The following CADPS variants were observed in gnomAD, a reference collection of about 807,000 sequenced individuals.
The protein encoded by CADPS is calcium dependent secretion activator, also known as calcium-dependent secretion activator 1.
In CADPS, 57 loss-of-function variants were observed where a neutral mutation model predicts 167.3. The observed-to-expected ratio is 0.34, with a 90% CI of 0.28 to 0.42. The LOEUF is 0.42. CADPS is among the 20% of genes least tolerant of loss of function. The pLI, the probability that CADPS is intolerant of heterozygous loss-of-function variation, is 1.00. For synonymous variants in CADPS, 676 were observed against 635.3 expected, an observed-to-expected ratio of 1.06 and a Z score of -0.96; for missense variants, 1,414 against 1,738.1, an observed-to-expected ratio of 0.81 and a Z score of 3.32.
intron 28 of CADPS, among the ~76,000 whole-genome samples, chr3:62,425,087 A>G (rs1318517110): frequency 6.6e-6 from 1 of 152,166 alleles, no homozygotes; most frequent in Non-Finnish European, 1.5e-5. Flanking sequence ...AAATAATACT[A>G]TCTCTTCCCA....
intron 6 of CADPS, among the ~76,000 whole-genome samples, chr3:62,619,815 T>C (rs2062881176): frequency 6.6e-6 from 1 of 152,188 alleles, no homozygotes; most frequent in Non-Finnish European, 1.5e-5. Context: ...GACATTCTGA[T>C]ATTATTCAAT....
intron 3 of CADPS, among the ~76,000 whole-genome samples, chr3:62,727,926 G>C (rs779174401): frequency 1.3e-5 from 2 of 151,856 alleles, no homozygotes; most frequent in African/African-American, 2.4e-5. Context: ...TAGGTTTTAA[G>C]AAATGACACA....
chr3:62,628,351 A>C (rs11925723), intron 6 of CADPS, among the ~76,000 whole-genome samples: 3 of 152,200 alleles, frequency 2.0e-5, no homozygotes, highest in African/African-American at 7.2e-5. Context: ...AAAGCTTATA[A>C]AAGTACAAGA....
chr3:62,465,168 C>A lies in CADPS; in HGVS notation c.3636+199G>T, dbSNP rs1311007946. Among the ~76,000 whole-genome samples, 1 of 152,092 alleles carries A rather than the reference C, an allele frequency of 6.6e-6. No individual in the cohort carries two copies. The highest frequency in any genetic ancestry group is 2.4e-5 in the African/African-American group (1 of 41,422). On this transcript the variant is annotated intron_variant, in intron 26 of 29. Transcript: ENST00000383710. This position sits in a 1 kb window ranked among gnomAD's most constrained non-coding sequence, Gnocchi z 4.1. The stretch of plus-strand genomic sequence containing the variant: ...AAAATACACACATATTGTACCTTTA[C>A]AAATGAAATAGAAATGATGTTGGAT...
chr3:62,704,622 A>G (rs906101584), intron 3 of CADPS, among the ~76,000 whole-genome samples: 19 of 152,118 alleles, frequency 1.2e-4, no homozygotes, highest in South Asian at 4.1e-4. Context: ...GATTTGCTAC[A>G]CTGAAGTTGA....
At chr3:62,784,495 T>A (rs2092186602) in intron 1 of CADPS, among the ~76,000 whole-genome samples, 1 of 152,172 alleles carries the variant, frequency 6.6e-6, no homozygotes. Flanking sequence ...TGTAGGCAAT[T>A]GTCACTGATG....
At chr3:62,791,448 T>C (rs1291018520) in intron 1 of CADPS, among the ~76,000 whole-genome samples, 1 of 152,226 alleles carries the variant, frequency 6.6e-6, no homozygotes, top group Non-Finnish European at 1.5e-5. Flanking sequence ...TGGGAATTAC[T>C]AGAAATGCAG....
intron 3 of CADPS, among the ~76,000 whole-genome samples, chr3:62,686,089 A>G (rs911156419): frequency 1.3e-5 from 2 of 152,136 alleles, no homozygotes; most frequent in African/African-American, 4.8e-5. Context: ...ATCACTATGT[A>G]ACCCATAAAT....
intron 28 of CADPS, among the ~76,000 whole-genome samples, chr3:62,437,784 G>A (rs2055448793): frequency 6.6e-6 from 1 of 152,174 alleles, no homozygotes; most frequent in Non-Finnish European, 1.5e-5. Context: ...TTGCAAGGAG[G>A]AAAACCATGA....
chr3:62,723,989 C>T (rs1284191696), intron 3 of CADPS, among the ~76,000 whole-genome samples: 3 of 152,336 alleles, frequency 2.0e-5, no homozygotes, highest in Admixed American at 6.5e-5. Context: ...CTTATGTGGG[C>T]ACTTCTGTGT....
intron 1 of CADPS, among the ~76,000 whole-genome samples, chr3:62,853,459 A>C (rs1187909998): frequency 1.3e-5 from 2 of 151,400 alleles, no homozygotes; most frequent in Admixed American, 1.3e-4. Context: ...ACCCCTCTCT[A>C]CTAAAAATAC....
intron 1 of CADPS, among the ~76,000 whole-genome samples, chr3:62,777,690 T>C (rs144499004): frequency 0.023 from 3,476 of 152,254 alleles, 63 homozygotes; most frequent in South Asian, 0.061. Flanking sequence ...CTCAATTTTT[T>C]TATAAACCTA....
chr3:62,565,170 G>A (rs2079919887), intron 9 of CADPS, among the ~76,000 whole-genome samples: 1 of 152,160 alleles, frequency 6.6e-6, no homozygotes, highest in African/African-American at 2.4e-5. Context: ...GGTTTAGAAT[G>A]AGGCCCCAGT....
At chr3:62,843,666 C>A (rs2076963192) in intron 1 of CADPS, among the ~76,000 whole-genome samples, 1 of 152,108 alleles carries the variant, frequency 6.6e-6, no homozygotes, top group Non-Finnish European at 1.5e-5. Context: ...CACTGAAGCT[C>A]CAGCCAGTCA....
At chr3:62,598,949 C>G (rs2059297772) in intron 6 of CADPS, among the ~76,000 whole-genome samples, 2 of 152,100 alleles carry the variant, frequency 1.3e-5, no homozygotes, top group Non-Finnish European at 1.5e-5. Flanking sequence ...GCACTATATC[C>G]CAGACAGACA....
At chr3:62,619,654 C>G (rs2062861082) in intron 6 of CADPS, among the ~76,000 whole-genome samples, 1 of 152,118 alleles carries the variant, frequency 6.6e-6, no homozygotes, top group African/African-American at 2.4e-5. Context: ...CAATAGCAAT[C>G]AGGAAAGACC....
In CADPS at chr3:62,493,636, T is replaced by G; in HGVS notation, c.2727+9A>C. The G allele has an allele frequency of 6.4e-7, 1 of 1,554,450 alleles. No homozygotes were observed. The highest frequency in any genetic ancestry group is 1.2e-5 in the South Asian group (1 of 84,354). ...CCTCTCTTCTTTCACGAGATTTCAC[T>G]TTACTTACTTCTCCTTTATCAACAT... On this transcript the variant is annotated intron_variant, in intron 19 of 29. Transcript: ENST00000383710.
chr3:62,508,925 C>A (rs1395571419), intron 17 of CADPS, among the ~76,000 whole-genome samples: 1 of 151,984 alleles, frequency 6.6e-6, no homozygotes, highest in African/African-American at 2.4e-5. Flanking sequence ...TTTGTCCTCC[C>A]CACTTATGGT....
chr3:62,624,446 A>G (rs2063678321), intron 6 of CADPS, among the ~76,000 whole-genome samples: 1 of 152,134 alleles, frequency 6.6e-6, no homozygotes, highest in African/African-American at 2.4e-5. Flanking sequence ...GTTCTCTGTT[A>G]AGTATACAGC....
Sources: allele counts gnomAD v4.1 joint callset (sites outside exome capture counted in the v4.1 genomes callset), GRCh38; gene constraint gnomAD v4.1.1; non-coding constraint Gnocchi (gnomAD v3.1); transcripts MANE v1.5; gene names NCBI Gene and HGNC (gene_info 2026-07-23, HGNC 2026-07-21).